The following WDR25 variants were observed in gnomAD, a reference collection of about 807,000 sequenced individuals.
The protein encoded by WDR25 is WD repeat-containing protein 25.
Under a neutral mutation model 47.7 loss-of-function variants are expected in WDR25, and 35 were observed. That is an observed-to-expected ratio of 0.73 (90% CI 0.56 to 0.97). WDR25 has a LOEUF of 0.97. Ranked by LOEUF, WDR25 falls within the 50% of genes least tolerant of loss-of-function variation. The pLI is 0.00. For missense variants in WDR25, 634 were observed against 704.7 expected, an observed-to-expected ratio of 0.90 and a Z score of 1.14; for synonymous variants, 248 against 278.9, an observed-to-expected ratio of 0.89 and a Z score of 1.10.
chr14:100,448,212 A>AG (rs1898904280), intron 2 of WDR25, among the ~76,000 whole-genome samples: 1 of 151,092 alleles, frequency 6.6e-6, no homozygotes, highest in Non-Finnish European at 1.5e-5. Context: ...AAAAAAAAAA[A>AG]GAAGATTTTA....
At chr14:100,401,232 G>A (rs1022053399) in intron 2 of WDR25, among the ~76,000 whole-genome samples, 1 of 152,104 alleles carries the variant, frequency 6.6e-6, no homozygotes, top group Non-Finnish European at 1.5e-5. Flanking sequence ...TGCAGCCTCT[G>A]CCCCACCGAG....
chr14:100,480,872 A>T, intron 3 of WDR25: 1 of 270,000 alleles, frequency 3.7e-6, no homozygotes, highest in Non-Finnish European at 7.4e-6. Context: ...TAAAAGTGGA[A>T]AATGTCCGGG....
intron 4 of WDR25, among the ~76,000 whole-genome samples, chr14:100,522,509 C>T (rs980686572): frequency 6.6e-6 from 1 of 152,208 alleles, no homozygotes; most frequent in African/African-American, 2.4e-5. Context: ...TGCATCTTGG[C>T]ACTGGAAGAA....
chr14:100,483,153 G>A (rs1283942936), intron 3 of WDR25, among the ~76,000 whole-genome samples: 2 of 152,188 alleles, frequency 1.3e-5, no homozygotes, highest in African/African-American at 4.8e-5. Flanking sequence ...GGACATGGGG[G>A]CTGCACTGGG....
chr14:100,432,517 G>T (rs1394124022), intron 2 of WDR25, among the ~76,000 whole-genome samples: 1 of 152,234 alleles, frequency 6.6e-6, no homozygotes, highest in Non-Finnish European at 1.5e-5. Context: ...TTACGGAAGA[G>T]TTGCAAGAAC....
intron 4 of WDR25, among the ~76,000 whole-genome samples, chr14:100,486,506 C>T (rs1227351481): frequency 1.3e-5 from 2 of 152,126 alleles, no homozygotes; most frequent in Admixed American, 6.5e-5. Context: ...GGGCTCGTTC[C>T]GTTTGCATCA....
intron 4 of WDR25, among the ~76,000 whole-genome samples, chr14:100,496,828 C>CTTTTTTTTTTTTTT (rs1226765543): frequency 1.2e-4 from 9 of 73,424 alleles, no homozygotes; most frequent in South Asian, 6.6e-4. Flanking sequence ...TTCTTTAATT[C>CTTTTTTTTTTTTTT]TTTTTTTTTT....
intron 2 of WDR25, among the ~76,000 whole-genome samples, chr14:100,386,308 G>A (rs1023202449): frequency 4.6e-5 from 7 of 152,126 alleles, no homozygotes; most frequent in Non-Finnish European, 8.8e-5. Context: ...CTCCCTGGTC[G>A]GGGGCCCTAC....
At chr14:100,465,233 A>C (rs1899589423) in intron 2 of WDR25, among the ~76,000 whole-genome samples, 1 of 152,000 alleles carries the variant, frequency 6.6e-6, no homozygotes, top group Non-Finnish European at 1.5e-5. Context: ...GACCATCTTC[A>C]CCGCTATTAA....
chr14:100,494,133 A>G (rs1900656016), intron 4 of WDR25, among the ~76,000 whole-genome samples: 1 of 152,236 alleles, frequency 6.6e-6, no homozygotes, highest in Admixed American at 6.5e-5. Flanking sequence ...ATCACAGCTT[A>G]CTGCAGCCTC....
intron 4 of WDR25, among the ~76,000 whole-genome samples, chr14:100,485,031 TG>T (rs1900335860): frequency 6.6e-6 from 1 of 152,224 alleles, no homozygotes; most frequent in Non-Finnish European, 1.5e-5. Context: ...CTCCTTGGCC[TG>T]GGGGTAGGTC....
At chr14:100,386,210 A>G (rs557177561) in intron 2 of WDR25, among the ~76,000 whole-genome samples, 1 of 152,384 alleles carries the variant, frequency 6.6e-6, no homozygotes, top group South Asian at 2.1e-4. Flanking sequence ...AAAAACTTTA[A>G]TGATGCAGGA....
intron 4 of WDR25, among the ~76,000 whole-genome samples, chr14:100,518,130 A>G (rs1901570032): frequency 6.6e-6 from 1 of 152,192 alleles, no homozygotes; most frequent in Non-Finnish European, 1.5e-5. Context: ...TGTCAGCCTG[A>G]GGAACTTCCT....
intron 2 of WDR25, among the ~76,000 whole-genome samples, chr14:100,423,558 A>G (rs1436030679): frequency 6.6e-6 from 1 of 152,212 alleles, no homozygotes; most frequent in African/African-American, 2.4e-5. Context: ...TATAATTATC[A>G]AGGTAACCTG....
In WDR25 at chr14:100,468,082, T is replaced by C. The variant is rs766506215; in HGVS notation, c.884T>C (p.Val295Ala). The change falls in exon 3 of 7, where the codon GTG (valine) becomes GCG (alanine). Residue 295 changes from valine to alanine, a missense_variant. Val to Ala is a moderately conservative substitution (Grantham distance 64). Transcript: ENST00000402312. This position sits in a 1 kb window ranked among gnomAD's most constrained non-coding sequence, Gnocchi z 4.5. ...ACCTACTCCCTGCACACAGAGGCAGTGCGGGCCGCCCGGTGGGCTCCCTGT... is the reference window on the plus strand; with the variant it reads ...ACCTACTCCCTGCACACAGAGGCAGCGCGGGCCGCCCGGTGGGCTCCCTGT... ...LQTYSLHTEA[V>A]RAARWAPCGR... 2.5e-6 allele frequency: 4 copies of C among 1,613,534 alleles called. No homozygotes were observed. The highest frequency in any genetic ancestry group is 2.2e-5 in the East Asian group (1 of 44,876).
rs1206999190 is a variant in WDR25, at chr14:100,468,591, A to G, written c.970+423A>G. ...TTCCAGCTCATAAGGAAAGTCTTCAAACGAGTTCTGCTTTAATGCCCACAC... is the reference window on the plus strand; with the variant it reads ...TTCCAGCTCATAAGGAAAGTCTTCAGACGAGTTCTGCTTTAATGCCCACAC... On this transcript the variant is annotated intron_variant, in intron 3 of 6. Coordinates refer to ENST00000402312, the MANE Select transcript of WDR25 (RefSeq NM_001161476.3). The surrounding 1 kb of genome is among the most constrained non-coding windows in gnomAD (Gnocchi z 4.5). Among the ~76,000 whole-genome samples, 1 of 152,230 alleles carries G rather than the reference A, an allele frequency of 6.6e-6. No homozygotes were observed. The highest frequency in any genetic ancestry group is 1.9e-4 in the East Asian group (1 of 5,190).
Position 100,502,332 on chromosome 14 carries a change from G to T in WDR25, c.1101+18208G>T, listed in dbSNP as rs565228563. Among the ~76,000 whole-genome samples, 1 of 152,194 alleles carries T rather than the reference G, an allele frequency of 6.6e-6. No homozygotes were observed. The highest frequency in any genetic ancestry group is 1.5e-5 in the Non-Finnish European group (1 of 68,028). On this transcript the variant is annotated intron_variant, in intron 4 of 6. Coordinates refer to ENST00000402312, the MANE Select transcript of WDR25 (RefSeq NM_001161476.3). The surrounding 1 kb of genome is among the most constrained non-coding windows in gnomAD (Gnocchi z 4.5). ...GGCTCTCATGAGCCCCCCACATTCA[G>T]TGCCCTCATTCCCTGGTCCTCAGTT...
intron 2 of WDR25, chr14:100,382,224 A>G: frequency 1.4e-6 from 1 of 701,964 alleles, no homozygotes; most frequent in East Asian, 2.7e-5. Flanking sequence ...CACAGACTCA[A>G]CCCTGAGCTG....
intron 5 of WDR25, among the ~76,000 whole-genome samples, chr14:100,528,131 T>G (rs575275896): frequency 6.6e-6 from 1 of 152,252 alleles, no homozygotes; most frequent in African/African-American, 2.4e-5. Context: ...AGATTCCTTT[T>G]CTATCCTTGT....
Sources: gnomAD v4.1 joint callset for allele counts (sites outside exome capture counted in the v4.1 genomes callset) on GRCh38, gnomAD v4.1.1 for gene constraint, Gnocchi (gnomAD v3.1) non-coding constraint, MANE v1.5 for transcripts, NCBI Gene and HGNC (gene_info 2026-07-23, HGNC 2026-07-21) for gene names.